Variants in MFN2 observed in about 807,000 individuals in gnomAD.
MFN2 encodes the protein mitofusin-2.
In MFN2, 43 loss-of-function variants were observed where a neutral mutation model predicts 87.5. That is an observed-to-expected ratio of 0.49 (90% CI 0.38 to 0.63). The LOEUF is 0.63. MFN2 is among the 30% of genes least tolerant of loss of function. The pLI is 0.00. For missense variants in MFN2, 743 were observed against 972.8 expected (o/e 0.76, Z 3.14); for synonymous variants, 337 against 359.9 (o/e 0.94, Z 0.72).
In MFN2 at chr1:12,008,495, G is replaced by A. The variant is rs536109875; in HGVS notation, c.2070-1097G>A. Among the ~76,000 whole-genome samples the A allele has an allele frequency of 5.3e-5, 8 of 151,906 alleles. No homozygotes were observed. In the South Asian group the frequency reaches 1.4e-3, roughly 28 times the overall value. On this transcript the variant is annotated intron_variant, in intron 17 of 18. Transcript: ENST00000235329. ...TGACCCCCCACCTCCCGGACGGGGC[G>A]GCTGCTAGGCGGAGACGCTTACTTC... is the stretch of plus-strand genomic sequence containing the variant.
At chr1:11,983,869 G>A (rs560157884) in intron 2 of MFN2, among the ~76,000 whole-genome samples, 21 of 152,324 alleles carry the variant, frequency 1.4e-4, no homozygotes, top group African/African-American at 4.3e-4. Flanking sequence ...GGAAAAGGAA[G>A]GAGGATTCCA....
At chr1:12,006,807 T>C (rs1639440887) in intron 16 of MFN2, 114 bp downstream of exon 16, 1 of 1,458,810 alleles carries the variant, frequency 6.9e-7, no homozygotes, top group Non-Finnish European at 9.5e-7. Flanking sequence ...GTCCACTGCA[T>C]ACTTTCTCCT....
Position 12,009,521 on chromosome 1 carries a change from T to C in MFN2, c.2070-71T>C, listed in dbSNP as rs1553146180. On this transcript the variant is annotated intron_variant, in intron 17 of 18. Coordinates refer to ENST00000235329, the MANE Select transcript of MFN2 (RefSeq NM_014874.4). ...AGACAGGCCCAGCTGCTCCCTACTG[T>C]GGGTGGGCTAAGCCACCAGTGGCAT... 7 of 1,605,614 alleles carry C rather than the reference T, an allele frequency of 4.4e-6. No homozygotes were observed. In the South Asian group the frequency reaches 5.5e-5, roughly 13 times the overall value.
chr1:11,995,914 G>A (rs529200773), intron 4 of MFN2, among the ~76,000 whole-genome samples: 4 of 152,308 alleles, frequency 2.6e-5, no homozygotes, highest in African/African-American at 7.2e-5. Flanking sequence ...GGGGCAGACA[G>A]CACGCAGTGA....
At chr1:11,996,912 C>G (rs1638931293) in intron 5 of MFN2, among the ~76,000 whole-genome samples, 1 of 152,130 alleles carries the variant, frequency 6.6e-6, no homozygotes, top group African/African-American at 2.4e-5. Context: ...GTGGTAGGCA[C>G]CTGTAATCCC....
Position 12,003,951 on chromosome 1 carries a change from C to T in MFN2, c.1161-41C>T. The T allele has an allele frequency of 6.2e-7, 1 of 1,613,778 alleles. No homozygotes were observed. Among genetic ancestry groups the T allele is most frequent in the Non-Finnish European group, 8.5e-7 (1 of 1,179,808 alleles). On this transcript the variant is annotated intron_variant, in intron 11 of 18. Transcript: ENST00000235329. This position sits in a 1 kb window ranked among gnomAD's most constrained non-coding sequence, Gnocchi z 4.1. ...ATCCCCTCTTGCTCCTCTGCTTAGT[C>T]AGACAGGAACATGGATTTCTCACCA...
chr1:12,004,351 C>G lies in MFN2; in HGVS notation c.1288-158C>G, dbSNP rs777570270. ...GTGGGCGTTTGATCAGCCAGTTTCCCAGACCCTCTCACTTCAGAGGCTTTA... is the reference window on the plus strand; with the variant it reads ...GTGGGCGTTTGATCAGCCAGTTTCCGAGACCCTCTCACTTCAGAGGCTTTA... On this transcript the variant is annotated intron_variant, in intron 12 of 18. Coordinates refer to ENST00000235329, the MANE Select transcript of MFN2 (RefSeq NM_014874.4). The surrounding 1 kb of genome is among the most constrained non-coding windows in gnomAD (Gnocchi z 4.2). Among the ~76,000 whole-genome samples, 1 of 152,196 alleles carries G rather than the reference C, an allele frequency of 6.6e-6. No individual in the cohort carries two copies. Among genetic ancestry groups the G allele is most frequent in the Non-Finnish European group, 1.5e-5 (1 of 68,036 alleles).
chr1:11,991,127 T>C (rs1638655635), intron 3 of MFN2, among the ~76,000 whole-genome samples: 1 of 152,250 alleles, frequency 6.6e-6, no homozygotes, highest in African/African-American at 2.4e-5. Context: ...GTTGCTCCTG[T>C]ATGGAGTAAT....
chr1:12,006,042 G>A (rs745571664), intron 15 of MFN2, 111 bp downstream of exon 15: 21 of 995,118 alleles, frequency 2.1e-5, no homozygotes, highest in Non-Finnish European at 2.0e-5. Flanking sequence ...CAGCTGTGGT[G>A]GTGTGCCCCA....
intron 17 of MFN2, among the ~76,000 whole-genome samples, chr1:12,009,175 CAGAGGGAGACCGTGGAAAGAGAGGG>C (rs1199036756): frequency 1.4e-4 from 21 of 152,190 alleles, no homozygotes; most frequent in Admixed American, 5.9e-4. Flanking sequence ...GGCTCGGCAT[CAGAGGGAGACCGTGGAAAGAGAGGG>C]AGAGGGAGAC....
intron 8 of MFN2, among the ~76,000 whole-genome samples, chr1:12,001,000 T>C (rs1464486171): frequency 2.6e-5 from 4 of 152,208 alleles, no homozygotes; most frequent in Non-Finnish European, 5.9e-5. Flanking sequence ...TGCCTTTGGC[T>C]GTTGAGCCAT....
intron 3 of MFN2, among the ~76,000 whole-genome samples, chr1:11,990,493 C>G (rs774481448): frequency 1.3e-5 from 2 of 152,226 alleles, no homozygotes; most frequent in Non-Finnish European, 2.9e-5. Flanking sequence ...GGAGCCCAGA[C>G]TAACCCTCTT....
At chr1:11,989,085 C>T (rs1046331366) in intron 2 of MFN2, 80 bp from the exon 3 acceptor site, 9 of 1,493,426 alleles carry the variant, frequency 6.0e-6, no homozygotes, top group East Asian at 2.3e-5. Context: ...TTGATTCTCC[C>T]CAAAGCATTC....
At chr1:11,998,526 C>A (rs543024692) in intron 6 of MFN2, among the ~76,000 whole-genome samples, 1 of 149,860 alleles carries the variant, frequency 6.7e-6, no homozygotes, top group African/African-American at 2.5e-5. Context: ...CCAGCCCGGG[C>A]GACAGAGCAA....
chr1:11,993,691 G>A (rs930888974), intron 4 of MFN2, among the ~76,000 whole-genome samples: 3 of 150,618 alleles, frequency 2.0e-5, no homozygotes, highest in Non-Finnish European at 2.9e-5. Flanking sequence ...AGCCGAGATC[G>A]GGCCACTGCA....
chr1:11,981,041 C>T (rs1213278913), intron 1 of MFN2, among the ~76,000 whole-genome samples: 1 of 152,160 alleles, frequency 6.6e-6, no homozygotes, highest in African/African-American at 2.4e-5. Flanking sequence ...TGCCCGTTAC[C>T]CCCTCTCGTA....
chr1:11,998,067 A>G (rs1274303869), intron 6 of MFN2, among the ~76,000 whole-genome samples: 2 of 151,036 alleles, frequency 1.3e-5, no homozygotes, highest in East Asian at 4.0e-4. Flanking sequence ...TATTTTTAGT[A>G]GAGACGGGGT....
At position 11,996,300 on chromosome 1, in the gene MFN2, G is replaced by A. The variant is rs754787227; in HGVS notation, c.456G>A (p.Glu152=). 1.9e-6 allele frequency: 3 copies of A among 1,614,188 alleles called. No individual in the cohort carries two copies. The highest frequency in any genetic ancestry group is 2.2e-5 in the South Asian group (2 of 91,090). The change falls in exon 5 of 19, where the codon GAG becomes GAA. Residue 152 remains glutamate, a synonymous_variant. Transcript: ENST00000235329. The part of the protein sequence containing the change: ...HEAFLLTEGS[E]EKRSAKTVNQ... ...CCTTTCTCCTTACCGAGGGCTCAGA[G>A]GAAAAGAGGAGTGCCAAGGTGAGGG...
intron 2 of MFN2, among the ~76,000 whole-genome samples, chr1:11,987,075 C>G (rs1352249022): frequency 1.3e-5 from 2 of 151,814 alleles, no homozygotes; most frequent in African/African-American, 2.4e-5. Context: ...TTCGGGAGGC[C>G]GAAGCAGATG....
Sources: allele counts gnomAD v4.1 joint callset (sites outside exome capture counted in the v4.1 genomes callset), GRCh38; gene constraint gnomAD v4.1.1; non-coding constraint Gnocchi (gnomAD v3.1); transcripts MANE v1.5; gene names NCBI Gene and HGNC (gene_info 2026-07-23, HGNC 2026-07-21).